Variants in GART observed in about 807,000 individuals in gnomAD.
The protein encoded by GART is trifunctional purine biosynthetic protein adenosine-3.
A neutral mutation model predicts 107.2 loss-of-function variants in GART; 43 were observed. That is an observed-to-expected ratio of 0.40 (90% CI 0.31 to 0.52). The LOEUF is 0.52. GART is among the 20% of genes least tolerant of loss of function. The pLI, the probability that GART is intolerant of heterozygous loss-of-function variation, is 0.52. For missense variants in GART, 1,107 were observed against 1,206.5 expected, an observed-to-expected ratio of 0.92 and a Z score of 1.22; for synonymous variants, 434 against 427.0, an observed-to-expected ratio of 1.02 and a Z score of -0.20.
chr21:33,505,479 C>CCCCATT, intron 20 of GART, 82 bp downstream of exon 20: 1 of 1,254,316 alleles, frequency 8.0e-7, no homozygotes, highest in African/African-American at 1.5e-5. Context: ...GTGTTCACTA[C>CCCCATT]TGGGATTGTT....
At chr21:33,522,039 G>A (rs2145717838) in intron 12 of GART, 149 bp downstream of exon 12, 2 of 542,124 alleles carry the variant, frequency 3.7e-6, no homozygotes, top group South Asian at 2.8e-5. Flanking sequence ...TTAAAGAAAA[G>A]AAAGCAGAAG....
chr21:33,532,212 G>A, intron 5 of GART, 133 bp downstream of exon 5: 2 of 674,756 alleles, frequency 3.0e-6, no homozygotes, highest in Non-Finnish European at 2.6e-6. Context: ...ATAATACATG[G>A]GATTATAAAA....
At position 33,505,657 on chromosome 21, in the gene GART, C is replaced by A; in HGVS notation, c.2629G>T (p.Ala877Ser). 1.2e-6 allele frequency: 2 copies of A among 1,611,856 alleles called. No individual in the cohort carries two copies. Among genetic ancestry groups the A allele is most frequent in the Non-Finnish European group, 1.7e-6 (2 of 1,178,620 alleles). Residue 877 changes from alanine to serine, a missense_variant, in exon 20 of 22, where the codon GCA becomes TCA. Physicochemically the swap from Ala to Ser is moderately conservative, Grantham distance 99 (BLOSUM62 1). Coordinates refer to ENST00000381815, the MANE Select transcript of GART (RefSeq NM_000819.5). ...AACTCTTCAAGGACTAGGTCAATTG[C>A]ACTGTCAAATTCTACACGATTTTTA... The part of the protein sequence containing the change: ...LYKNRVEFDS[A>S]IDLVLEEFSI...
At chr21:33,531,381 T>G (rs2085184999) in intron 6 of GART, 108 bp downstream of exon 6, 7 of 934,124 alleles carry the variant, frequency 7.5e-6, no homozygotes, top group Non-Finnish European at 1.2e-5. Flanking sequence ...CTGCTGGGTT[T>G]ATGTTTTTAG....
At chr21:33,510,253 C>T (rs1394448567) in intron 17 of GART, 2 of 193,788 alleles carry the variant, frequency 1.0e-5, no homozygotes, top group African/African-American at 4.7e-5. Flanking sequence ...GCCATGATCT[C>T]CTGGTCTCGG....
intron 4 of GART, among the ~76,000 whole-genome samples, chr21:33,533,540 C>G (rs1284434461): frequency 1.3e-5 from 2 of 151,634 alleles, no homozygotes; most frequent in Non-Finnish European, 2.9e-5. Context: ...GATGATTACT[C>G]ACTCTGGTTA....
In GART at chr21:33,517,599, G is replaced by A. The variant is rs1214211791; in HGVS notation, c.1712C>T (p.Thr571Ile). The stretch of plus-strand genomic sequence containing the variant: ...GGGATACATGTCAGGCATTTCTGCT[G>A]TTTCACCTCCTGGTGGGATAAGACA... ...KAGCALLGGE[T>I]AEMPDMYPPG... The change falls in exon 15 of 22, where the codon ACA becomes ATA. Residue 571 changes from threonine to isoleucine, a missense_variant. Transcript: ENST00000381815. The A allele has an allele frequency of 1.9e-6, 3 of 1,614,178 alleles. No homozygotes were observed. The highest frequency in any genetic ancestry group is 2.5e-6 in the Non-Finnish European group (3 of 1,180,018).
At chr21:33,515,523 C>G (rs1471688501) in intron 16 of GART, among the ~76,000 whole-genome samples, 1 of 151,792 alleles carries the variant, frequency 6.6e-6, no homozygotes, top group African/African-American at 2.4e-5. Context: ...ACCTGTAGTC[C>G]CAGCTACTTG....
At chr21:33,514,769 G>C (rs2084846846) in intron 16 of GART, among the ~76,000 whole-genome samples, 1 of 152,136 alleles carries the variant, frequency 6.6e-6, no homozygotes, top group African/African-American at 2.4e-5. Context: ...AATATGCTCA[G>C]TCCATGGACC....
In GART at chr21:33,534,695, C is replaced by T. The variant is rs372963713; in HGVS notation, c.300G>A (p.Ala100=). The change falls in exon 4 of 22, where the codon GCG becomes GCA. Residue 100 remains alanine, a synonymous_variant. Transcript: ENST00000381815. Reference sequence around the variant, plus strand: ...ACCTTTTGCTGGACTCTAACTGAGCCGCTTCTGCTGTTGGGCCAAAGCATT... The same window carrying T: ...ACCTTTTGCTGGACTCTAACTGAGCTGCTTCTGCTGTTGGGCCAAAGCATT... ...GVQCFGPTAE[A]AQLESSKRFA... is the part of the protein sequence containing the mutation. 2.9e-5 allele frequency: 46 copies of T among 1,612,316 alleles called. No individual in the cohort carries two copies. The highest frequency in any genetic ancestry group is 5.0e-5 in the Admixed American group (3 of 59,632).
intron 18 of GART, among the ~76,000 whole-genome samples, chr21:33,506,387 G>A (rs1033451768): frequency 6.6e-6 from 1 of 152,052 alleles, no homozygotes; most frequent in Non-Finnish European, 1.5e-5. Context: ...CAGGTGATCC[G>A]CCCACCTCGG....
chr21:33,523,397 T>C (rs1336826823), intron 11 of GART, among the ~76,000 whole-genome samples: 1 of 152,228 alleles, frequency 6.6e-6, no homozygotes, highest in African/African-American at 2.4e-5. Flanking sequence ...TTTCCATTTT[T>C]TCATCTTTAT....
rs548538312 is a variant in GART, at chr21:33,534,671, C to A, written c.324G>T (p.Arg108Ser). 6.8e-6 allele frequency: 11 copies of A among 1,613,778 alleles called. No homozygotes were observed. The highest frequency in any genetic ancestry group is 6.6e-5 in the South Asian group (6 of 91,054). ...GTCTGTCCATAAACTCTTTGGCAAA[C>A]CTTTTGCTGGACTCTAACTGAGCCG... ...AEAAQLESSKRFAKEFMDRHG... is the reference protein window; with the variant it reads ...AEAAQLESSKSFAKEFMDRHG... The change falls in exon 4 of 22, where the codon AGG becomes AGT. Residue 108 changes from arginine to serine, a missense_variant. Physicochemically the swap from Arg to Ser is moderately radical, Grantham distance 110. Coordinates refer to ENST00000381815, the MANE Select transcript of GART (RefSeq NM_000819.5).
At chr21:33,534,860 G>A (rs1185804492) in intron 3 of GART, 107 bp from the exon 4 acceptor site, 29 of 950,382 alleles carry the variant, frequency 3.1e-5, no homozygotes, top group Non-Finnish European at 3.9e-5. Context: ...CAAGGCAGAT[G>A]ACTGGTGGCA....
chr21:33,528,477 C>T, intron 9 of GART, 42 bp downstream of exon 9: 3 of 1,549,860 alleles, frequency 1.9e-6, no homozygotes, highest in Non-Finnish European at 2.6e-6. Flanking sequence ...ATTAAAATAC[C>T]ACATATCTTC....
At chr21:33,533,452 TA>T (rs992791749) in intron 4 of GART, among the ~76,000 whole-genome samples, 5 of 134,606 alleles carry the variant, frequency 3.7e-5, no homozygotes, top group East Asian at 4.3e-4. Context: ...AAAAAAAAAA[TA>T]AATAAATAAA....
chr21:33,532,518 C>G, intron 4 of GART, 62 bp from the exon 5 acceptor site: 1 of 1,280,124 alleles, frequency 7.8e-7, no homozygotes, highest in Non-Finnish European at 1.1e-6. Flanking sequence ...TTTTAAAATG[C>G]TGTGGGATTT....
At chr21:33,524,373 AC>A in intron 11 of GART, 1 of 710,500 alleles carries the variant, frequency 1.4e-6, no homozygotes, top group Non-Finnish European at 1.7e-6. Flanking sequence ...ACATGGTGAA[AC>A]CCCATCTCCA....
chr21:33,517,512 G>T lies in GART; in HGVS notation c.1799C>A (p.Pro600His). Residue 600 changes from proline to histidine, a missense_variant, in exon 15 of 22, where the codon CCT becomes CAT. Coordinates refer to ENST00000381815, the MANE Select transcript of GART (RefSeq NM_000819.5). ...VGAMERDQKLPHLERITEGDV... is the reference protein window; with the variant it reads ...VGAMERDQKLHHLERITEGDV... ...ACCCTCAGTGATTCTTTCCAGGTGA[G>T]GGAGTTTCTGATCTCGCTCCATGGC... is the stretch of plus-strand genomic sequence containing the variant. 6.2e-7 allele frequency: 1 copy of T among 1,614,198 alleles called. No individual in the cohort carries two copies. The highest frequency in any genetic ancestry group is 8.5e-7 in the Non-Finnish European group (1 of 1,180,038).
Sources: gnomAD v4.1 joint callset for allele counts (sites outside exome capture counted in the v4.1 genomes callset) on GRCh38, gnomAD v4.1.1 for gene constraint, MANE v1.5 for transcripts, NCBI Gene and HGNC (gene_info 2026-07-23, HGNC 2026-07-21) for gene names.